The following PTPRN2 variants were observed in gnomAD, a reference collection of about 807,000 sequenced individuals.
PTPRN2 encodes protein tyrosine phosphatase receptor type N2, also known as receptor-type tyrosine-protein phosphatase N2.
In PTPRN2, 74 loss-of-function variants were observed where a neutral mutation model predicts 118.8. The observed-to-expected ratio is 0.62, with a 90% CI of 0.52 to 0.76. The LOEUF (loss-of-function observed/expected upper bound fraction) is 0.76. Ranked by LOEUF, PTPRN2 falls within the 30% of genes least tolerant of loss-of-function variation. PTPRN2 has a pLI of 0.00. For synonymous variants in PTPRN2, 641 were observed against 608.0 expected (o/e 1.05, Z -0.80); for missense variants, 1,481 against 1,394.4 (o/e 1.06, Z -0.99).
intron 3 of PTPRN2, among the ~76,000 whole-genome samples, chr7:158,233,503 A>G (rs989258181): frequency 6.6e-6 from 1 of 152,204 alleles, no homozygotes; most frequent in African/African-American, 2.4e-5. Context: ...AAAGCAATTG[A>G]CAGATTCAAT....
chr7:158,290,034 C>A (rs1800013899), intron 3 of PTPRN2, among the ~76,000 whole-genome samples: 1 of 152,134 alleles, frequency 6.6e-6, no homozygotes, highest in South Asian at 2.1e-4. Flanking sequence ...AGGACTGGTG[C>A]TAGGGTAGGC....
chr7:158,146,930 C>T (rs1398083095), intron 6 of PTPRN2, among the ~76,000 whole-genome samples: 1 of 151,214 alleles, frequency 6.6e-6, no homozygotes, highest in Non-Finnish European at 1.5e-5. Context: ...CACCCCATCT[C>T]ACGCCACGTG....
chr7:158,094,602 C>T (rs1030801725), intron 10 of PTPRN2, among the ~76,000 whole-genome samples: 3 of 152,244 alleles, frequency 2.0e-5, no homozygotes, highest in Admixed American at 1.3e-4. Flanking sequence ...CCACTGCTCC[C>T]GGCCCCCATC....
At position 157,775,980 on chromosome 7, in the gene PTPRN2, G is replaced by C. The variant is rs1042968263; in HGVS notation, c.1789-93043C>G. On this transcript the variant is annotated intron_variant, in intron 12 of 22. Coordinates refer to ENST00000389418, the MANE Select transcript of PTPRN2 (RefSeq NM_002847.5). ...AGGTGTGCATAGGTGGGCTGGGCCC[G>C]GGGGGATAGCCGCAGCCAGCTGTGT... Among the ~76,000 whole-genome samples the C allele has an allele frequency of 1.4e-3, 207 of 151,524 alleles. 1 individual carries two copies. The highest frequency in any genetic ancestry group is 5.0e-3 in the African/African-American group (205 of 40,906).
chr7:158,431,580 C>T (rs1185709975), intron 2 of PTPRN2, among the ~76,000 whole-genome samples: 1 of 142,374 alleles, frequency 7.0e-6, no homozygotes, highest in Non-Finnish European at 1.6e-5. Context: ...TGGCCACATA[C>T]TGGCTCACAC....
At position 157,619,543 on chromosome 7, in the gene PTPRN2, A is replaced by G. The variant is rs1803027572; in HGVS notation, c.2344+1819T>C. Among the ~76,000 whole-genome samples, 1 of 152,148 alleles carries G rather than the reference A, an allele frequency of 6.6e-6. No individual in the cohort carries two copies. Among genetic ancestry groups the G allele is most frequent in the East Asian group, 1.9e-4 (1 of 5,190 alleles). ...ATCTGTTAGTTGGCTAATGGGATGT[A>G]TTGTATTTTGCTTTTCTTCTAAATA... On this transcript the variant is annotated intron_variant, in intron 15 of 22. Coordinates refer to ENST00000389418, the MANE Select transcript of PTPRN2 (RefSeq NM_002847.5). This position sits in a 1 kb window ranked among gnomAD's most constrained non-coding sequence, Gnocchi z 5.3.
At chr7:158,417,397 G>C (rs549943879) in intron 2 of PTPRN2, among the ~76,000 whole-genome samples, 33 of 151,688 alleles carry the variant, frequency 2.2e-4, no homozygotes, top group African/African-American at 7.8e-4. Context: ...AGCTTTCAGT[G>C]TCCCGCTGTG....
intron 11 of PTPRN2, chr7:158,030,426 C>T (rs1011064530): frequency 2.0e-5 from 3 of 152,038 alleles, no homozygotes; most frequent in African/African-American, 7.3e-5. Flanking sequence ...GGACTATGTC[C>T]CCCAGGAAAG....
intron 9 of PTPRN2, among the ~76,000 whole-genome samples, chr7:158,131,570 C>T (rs533194915): frequency 1.8e-4 from 27 of 146,554 alleles, no homozygotes; most frequent in East Asian, 6.3e-4. Flanking sequence ...CACAGCTACC[C>T]GACATACACA....
At chr7:158,132,427 CAT>C (rs368293276) in intron 9 of PTPRN2, among the ~76,000 whole-genome samples, 1 of 149,634 alleles carries the variant, frequency 6.7e-6, no homozygotes, top group Non-Finnish European at 1.5e-5. Flanking sequence ...GACACACACT[CAT>C]ACACACATAC....
At chr7:158,424,561 G>A (rs1815538026) in intron 2 of PTPRN2, among the ~76,000 whole-genome samples, 1 of 152,232 alleles carries the variant, frequency 6.6e-6, no homozygotes, top group African/African-American at 2.4e-5. Context: ...TCATATGTGT[G>A]TACGGAACAG....
Position 157,738,312 on chromosome 7 carries a change from G to A in PTPRN2, c.1789-55375C>T, listed in dbSNP as rs541738447. On this transcript the variant is annotated intron_variant, in intron 12 of 22. Coordinates refer to ENST00000389418, the MANE Select transcript of PTPRN2 (RefSeq NM_002847.5). Reference sequence around the variant, plus strand: ...ACCACCGGGAAGGAGGCGCCCCAGAGGGGAGGGAGGTGCTGGGGAGCGGGA... The same window carrying A: ...ACCACCGGGAAGGAGGCGCCCCAGAAGGGAGGGAGGTGCTGGGGAGCGGGA... 3.9e-5 allele frequency among the ~76,000 whole-genome samples: 6 copies of A among 152,280 alleles called. No individual in the cohort carries two copies. In the South Asian group the frequency reaches 1.0e-3, roughly 26 times the overall value.
rs993911658 is a variant in PTPRN2 at position 157,540,257 on chromosome 7, GA to G, written c.*456del. 2.6e-5 allele frequency: 4 copies of G among 153,602 alleles called. No individual in the cohort carries two copies. The highest frequency in any genetic ancestry group is 2.0e-4 in the Admixed American group (3 of 15,382). 9.5% of individuals were successfully genotyped at this position (153,602 alleles called of 1,614,324 possible). A position where few individuals can be genotyped will look rare whatever the true frequency, so the allele number is the denominator to read the frequency against. The stretch of plus-strand genomic sequence containing the variant: ...TCTCCCAATGATAAACTCTCTCAAA[GA>G]GAAATGCCAAACGTGCCTTGTGTGC... On this transcript the variant is annotated 3_prime_UTR_variant, in exon 23 of 23. Coordinates refer to ENST00000389418, the MANE Select transcript of PTPRN2 (RefSeq NM_002847.5).
intron 4 of PTPRN2, among the ~76,000 whole-genome samples, chr7:158,198,276 G>A (rs1010308580): frequency 3.3e-5 from 5 of 152,188 alleles, no homozygotes; most frequent in East Asian, 1.9e-4. Context: ...ATTATGCCGC[G>A]TGGTGTTGTA....
intron 6 of PTPRN2, among the ~76,000 whole-genome samples, chr7:158,158,060 AT>A (rs572206151): frequency 7.5e-4 from 112 of 148,580 alleles, no homozygotes; most frequent in Middle Eastern, 3.4e-3. Flanking sequence ...TTCTCTTCTA[AT>A]TTTTTTTTTT....
At chr7:157,760,660 CAG>C (rs1802076135) in intron 12 of PTPRN2, among the ~76,000 whole-genome samples, 1 of 152,148 alleles carries the variant, frequency 6.6e-6, no homozygotes, top group Non-Finnish European at 1.5e-5. Context: ...TCAGCGGTCA[CAG>C]TCTCCACTGA....
chr7:157,950,208 A>T (rs184453716), intron 11 of PTPRN2, among the ~76,000 whole-genome samples: 70 of 152,372 alleles, frequency 4.6e-4, no homozygotes, highest in African/African-American at 1.7e-3. Flanking sequence ...CTGTGAGATC[A>T]TAAAGCTCTG....
At chr7:158,285,139 G>C (rs881468) in intron 3 of PTPRN2, among the ~76,000 whole-genome samples, 1 of 152,082 alleles carries the variant, frequency 6.6e-6, no homozygotes, top group African/African-American at 2.4e-5. Context: ...TATTTCTGAC[G>C]TGCCCAGGCT....
chr7:157,949,404 CTATT>C (rs1302007805), intron 11 of PTPRN2, among the ~76,000 whole-genome samples: 10 of 152,218 alleles, frequency 6.6e-5, no homozygotes, highest in Non-Finnish European at 1.3e-4. Context: ...CATCTATTCC[CTATT>C]TATTTGCCTC....
Sources: gnomAD v4.1 joint callset for allele counts (sites outside exome capture counted in the v4.1 genomes callset) on GRCh38, gnomAD v4.1.1 for gene constraint, Gnocchi (gnomAD v3.1) non-coding constraint, MANE v1.5 for transcripts, NCBI Gene and HGNC (gene_info 2026-07-23, HGNC 2026-07-21) for gene names.